Variants in BRINP3 observed in about 807,000 individuals in gnomAD.
The protein encoded by BRINP3 is BMP/retinoic acid-inducible neural-specific protein 3.
A neutral mutation model predicts 71.0 loss-of-function variants in BRINP3; 19 were observed. The ratio of observed to expected loss-of-function variants is 0.27; its 90% CI spans 0.19 to 0.39. The LOEUF is 0.39. BRINP3 is among the 10% of genes least tolerant of loss of function. The pLI is 1.00. For synonymous variants in BRINP3, 380 were observed against 337.7 expected (o/e 1.13, Z -1.37); for missense variants, 959 against 940.8 (o/e 1.02, Z -0.25).
chr1:190,476,750 C>A (rs1169064698), intron 1 of BRINP3, among the ~76,000 whole-genome samples: 1 of 152,142 alleles, frequency 6.6e-6, no homozygotes, highest in Non-Finnish European at 1.5e-5. Flanking sequence ...GTCCAATTAA[C>A]TGTTCACCAG....
At chr1:190,157,572 T>A (rs1365804528) in intron 7 of BRINP3, among the ~76,000 whole-genome samples, 1 of 152,084 alleles carries the variant, frequency 6.6e-6, no homozygotes, top group Admixed American at 6.6e-5. Context: ...TTCTTGCACT[T>A]TCTATTTTGG....
chr1:190,103,961 A>G (rs1651923170), intron 7 of BRINP3, among the ~76,000 whole-genome samples: 1 of 151,254 alleles, frequency 6.6e-6, no homozygotes, highest in Admixed American at 6.6e-5. Flanking sequence ...TGCTAATCCC[A>G]TTTTAAAATT....
chr1:190,361,674 T>A (rs2102126188), intron 2 of BRINP3, among the ~76,000 whole-genome samples: 1 of 152,264 alleles, frequency 6.6e-6, no homozygotes, highest in East Asian at 1.9e-4. Flanking sequence ...AGTGCTGGAA[T>A]TACAGGCGTG....
At chr1:190,361,981 G>A (rs1362103162) in intron 2 of BRINP3, 3 of 152,004 alleles carry the variant, frequency 2.0e-5, no homozygotes, top group Non-Finnish European at 4.4e-5. Flanking sequence ...TGAGCTTATG[G>A]TCTTCATGAT....
chr1:190,183,642 C>T (rs531289626), intron 6 of BRINP3, among the ~76,000 whole-genome samples: 15 of 152,208 alleles, frequency 9.9e-5, no homozygotes, highest in Admixed American at 6.5e-4. Context: ...GCAGATATCT[C>T]CACTGATACT....
chr1:190,319,512 T>C (rs1354929777), intron 2 of BRINP3, among the ~76,000 whole-genome samples: 1 of 152,122 alleles, frequency 6.6e-6, no homozygotes, highest in Non-Finnish European at 1.5e-5. Flanking sequence ...AAAATAGGTT[T>C]AATTGGCTCA....
chr1:190,376,415 C>T (rs540055925), intron 2 of BRINP3, among the ~76,000 whole-genome samples: 1 of 151,968 alleles, frequency 6.6e-6, no homozygotes, highest in Non-Finnish European at 1.5e-5. Flanking sequence ...TGAAATCAGG[C>T]TATCATCTGT....
At chr1:190,274,380 T>G (rs1662369386) in intron 3 of BRINP3, among the ~76,000 whole-genome samples, 1 of 151,576 alleles carries the variant, frequency 6.6e-6, no homozygotes. Flanking sequence ...AAAAATTATG[T>G]GCATTTATGG....
intron 7 of BRINP3, among the ~76,000 whole-genome samples, chr1:190,149,882 T>A (rs1656233866): frequency 6.6e-6 from 1 of 152,164 alleles, no homozygotes; most frequent in African/African-American, 2.4e-5. Flanking sequence ...TTCATTTTCT[T>A]GAGTGTTCTT....
intron 6 of BRINP3, among the ~76,000 whole-genome samples, chr1:190,208,119 T>A (rs1038468999): frequency 6.6e-6 from 1 of 151,800 alleles, no homozygotes; most frequent in African/African-American, 2.4e-5. Flanking sequence ...GGTTAATTTT[T>A]TTTTTTATTT....
In BRINP3 at chr1:190,269,764, G is replaced by A. The variant is rs1006642763; in HGVS notation, c.428-4709C>T. ...CTTTGACAACTTGGGCAAATCTATT[G>A]GAAAAGTAGAAATAAACAGGCCTTC... On this transcript the variant is annotated intron_variant, in intron 3 of 7. Transcript: ENST00000367462. 4.1e-4 allele frequency among the ~76,000 whole-genome samples: 63 copies of A among 152,080 alleles called. 1 individual carries two copies. Among genetic ancestry groups the A allele is most frequent in the African/African-American group, 1.5e-3 (62 of 41,546 alleles).
At chr1:190,361,840 T>C (rs1403551691) in intron 2 of BRINP3, among the ~76,000 whole-genome samples, 1 of 152,178 alleles carries the variant, frequency 6.6e-6, no homozygotes, top group Admixed American at 6.6e-5. Flanking sequence ...TTTATGCATT[T>C]CTTCTATTTT....
intron 2 of BRINP3, among the ~76,000 whole-genome samples, chr1:190,324,729 T>G (rs1327051270): frequency 1.3e-5 from 2 of 151,914 alleles, no homozygotes; most frequent in African/African-American, 2.4e-5. Flanking sequence ...GTTTATATAA[T>G]GAGATAAATA....
At chr1:190,192,442 C>T (rs1048177931) in intron 6 of BRINP3, among the ~76,000 whole-genome samples, 8 of 151,226 alleles carry the variant, frequency 5.3e-5, no homozygotes, top group African/African-American at 1.7e-4. Flanking sequence ...AAAATGTAAT[C>T]GAAAAAATTA....
intron 2 of BRINP3, among the ~76,000 whole-genome samples, chr1:190,287,213 G>A (rs574468): frequency 1.2e-4 from 18 of 152,036 alleles, no homozygotes; most frequent in African/African-American, 4.1e-4. Flanking sequence ...GCCGCAGAGC[G>A]AGACTCCATC....
chr1:190,370,851 G>A (rs1669815887), intron 2 of BRINP3, among the ~76,000 whole-genome samples: 2 of 151,980 alleles, frequency 1.3e-5, no homozygotes. Context: ...AGAGGTGTGA[G>A]GTAACATATC....
At chr1:190,470,668 T>C (rs1412610342) in intron 1 of BRINP3, among the ~76,000 whole-genome samples, 4 of 151,174 alleles carry the variant, frequency 2.6e-5, no homozygotes, top group East Asian at 1.9e-4. Context: ...AATGAGAATC[T>C]ATAAGATTTC....
chr1:190,386,034 G>T (rs1194928339), intron 2 of BRINP3, among the ~76,000 whole-genome samples: 4 of 141,764 alleles, frequency 2.8e-5, no homozygotes, highest in Admixed American at 7.4e-5. Context: ...TGAACAATGA[G>T]ATCACATGGA....
intron 4 of BRINP3, among the ~76,000 whole-genome samples, chr1:190,257,389 A>G (rs528930435): frequency 6.6e-5 from 10 of 152,242 alleles, no homozygotes; most frequent in African/African-American, 1.9e-4. Flanking sequence ...ACATTTGTCT[A>G]ATCTTTTTTC....
Sources: gnomAD v4.1 joint callset for allele counts (sites outside exome capture counted in the v4.1 genomes callset) on GRCh38, gnomAD v4.1.1 for gene constraint, MANE v1.5 for transcripts, NCBI Gene and HGNC (gene_info 2026-07-23, HGNC 2026-07-21) for gene names.